NEURL1: variants seen among roughly 807,000 people sequenced by gnomAD.
NEURL1 encodes the protein neuralized E3 ubiquitin protein ligase 1, also known as E3 ubiquitin-protein ligase NEURL1.
NEURL1 carries 26 observed loss-of-function variants against 41.2 expected under a neutral mutation model. The ratio of observed to expected loss-of-function variants is 0.63; its 90% CI spans 0.46 to 0.87. The LOEUF (loss-of-function observed/expected upper bound fraction) is 0.87, where lower values mean the gene tolerates loss of function less well. NEURL1 is among the 40% of genes least tolerant of loss of function. The pLI is 0.00. For synonymous variants in NEURL1, 400 were observed against 402.3 expected, an observed-to-expected ratio of 0.99 and a Z score of 0.07; for missense variants, 761 against 871.1, an observed-to-expected ratio of 0.87 and a Z score of 1.59.
Position 103,571,829 on chromosome 10 carries a change from G to A in NEURL1, c.649+7G>A. On this transcript the variant is annotated splice_region_variant and intron_variant, in intron 3 of 5. Transcript: ENST00000369780. ...CGGGGCGTCCAGCTGCTTGGTGAGT[G>A]CCTGCCCCTCCGGCCCCTTGGTGCA... 1 of 1,591,120 alleles carries A rather than the reference G, an allele frequency of 6.3e-7. No homozygotes were observed. Among genetic ancestry groups the A allele is most frequent in the Non-Finnish European group, 8.5e-7 (1 of 1,169,842 alleles).
At chr10:103,496,202 A>G (rs566157777) in intron 1 of NEURL1, among the ~76,000 whole-genome samples, 3 of 152,260 alleles carry the variant, frequency 2.0e-5, no homozygotes, top group Middle Eastern at 3.4e-3. Context: ...ATATATACTT[A>G]TGGCACTAGG....
At chr10:103,569,670 G>A (rs2035496508) in intron 1 of NEURL1, among the ~76,000 whole-genome samples, 1 of 152,214 alleles carries the variant, frequency 6.6e-6, no homozygotes, top group Non-Finnish European at 1.5e-5. Context: ...GCTCTTCTGA[G>A]CATTTCCAGC....
intron 1 of NEURL1, among the ~76,000 whole-genome samples, chr10:103,525,062 A>G (rs1486251348): frequency 1.3e-5 from 2 of 152,202 alleles, no homozygotes; most frequent in Non-Finnish European, 2.9e-5. Context: ...CTTTTAATCC[A>G]TAAACATGGA....
rs2036054764 is a variant in NEURL1, at chr10:103,591,782, C to G, written c.*1410C>G. 1 of 152,212 alleles carries G rather than the reference C, an allele frequency of 6.6e-6. No homozygotes were observed. The highest frequency in any genetic ancestry group is 6.5e-5 in the Admixed American group (1 of 15,284). 9.4% of individuals were successfully genotyped at this position (152,212 alleles called of 1,614,324 possible). A position where few individuals can be genotyped will look rare whatever the true frequency, so the allele number is the denominator to read the frequency against. ...GGTACCTCAGGTGGCCCAGGAGGTCCCCCCTCCATAAGGACGTCAAACTTC... is the reference window on the plus strand; with the variant it reads ...GGTACCTCAGGTGGCCCAGGAGGTCGCCCCTCCATAAGGACGTCAAACTTC... On this transcript the variant is annotated 3_prime_UTR_variant, in exon 6 of 6. Transcript: ENST00000369780.
At chr10:103,574,244 C>T (rs954584790) in intron 3 of NEURL1, among the ~76,000 whole-genome samples, 2 of 152,192 alleles carry the variant, frequency 1.3e-5, no homozygotes, top group Non-Finnish European at 2.9e-5. Context: ...ACACTCCAGA[C>T]GATGCAAGCG....
chr10:103,543,028 C>T (rs1354207789), intron 1 of NEURL1, among the ~76,000 whole-genome samples: 1 of 152,130 alleles, frequency 6.6e-6, no homozygotes, highest in South Asian at 2.1e-4. Context: ...CTTTTTTCTT[C>T]TTGGAAGGCG....
In NEURL1 at chr10:103,590,522, T is replaced by G; in HGVS notation, c.*150T>G. 1.5e-6 allele frequency: 1 copy of G among 650,386 alleles called. No homozygotes were observed. Among genetic ancestry groups the G allele is most frequent in the Non-Finnish European group, 2.7e-6 (1 of 376,058 alleles). The allele number at this position is 650,386 out of a possible 1,614,324, so 40.3% of individuals were successfully genotyped here. A position where few individuals can be genotyped will look rare whatever the true frequency, so the allele number is the denominator to read the frequency against. On this transcript the variant is annotated 3_prime_UTR_variant, in exon 6 of 6. Transcript: ENST00000369780. ...TGGGAAACTGAAGCCCTTGAAGGTTTGGGGAGAGGGGGGTATCAGGCAGGG... is the reference window on the plus strand; with the variant it reads ...TGGGAAACTGAAGCCCTTGAAGGTTGGGGGAGAGGGGGGTATCAGGCAGGG...
chr10:103,549,731 C>T (rs1262766443), intron 1 of NEURL1, among the ~76,000 whole-genome samples: 2 of 152,220 alleles, frequency 1.3e-5, no homozygotes. Flanking sequence ...CCTGGCCTCC[C>T]CAGACCCTAG....
Position 103,584,484 on chromosome 10 carries a change from G to GT in NEURL1, c.650-52_650-51insT. ...TAGGGACCGGACAGCGGGGCGCGCC[G>GT]GGGCCGCCTCCCGAGAGCCCTGCGT... On this transcript the variant is annotated intron_variant, in intron 3 of 5. Transcript: ENST00000369780. 2.5e-6 allele frequency: 3 copies of GT among 1,216,452 alleles called. No homozygotes were observed. The South Asian group carries it at 7.9e-5, about 32-fold the overall frequency. The allele number at this position is 1,216,452 out of a possible 1,614,324, so 75.4% of individuals were successfully genotyped here.
intron 1 of NEURL1, among the ~76,000 whole-genome samples, chr10:103,516,432 G>T (rs902746542): frequency 5.3e-5 from 8 of 151,192 alleles, no homozygotes; most frequent in African/African-American, 1.7e-4. Context: ...TTGAGTTTTG[G>T]CCAGGGTGTG....
At chr10:103,519,437 A>G (rs2034295178) in intron 1 of NEURL1, among the ~76,000 whole-genome samples, 1 of 152,158 alleles carries the variant, frequency 6.6e-6, no homozygotes, top group Non-Finnish European at 1.5e-5. Context: ...AAAAGGTTAA[A>G]TTTTGTTTCC....
chr10:103,556,764 C>T lies in NEURL1; in HGVS notation c.86-14108C>T, dbSNP rs1167009580. On this transcript the variant is annotated intron_variant, in intron 1 of 5. Coordinates refer to ENST00000369780, the MANE Select transcript of NEURL1 (RefSeq NM_004210.5). The surrounding 1 kb of genome is among the most constrained non-coding windows in gnomAD (Gnocchi z 4.4). ...CCAGGGGCACTGCCAGTGGCCTGGG[C>T]CTTGGCCGGAGAGTTGGATTGGGCT... Among the ~76,000 whole-genome samples, 1 of 152,184 alleles carries T rather than the reference C, an allele frequency of 6.6e-6. No individual in the cohort carries two copies. Among genetic ancestry groups the T allele is most frequent in the African/African-American group, 2.4e-5 (1 of 41,442 alleles).
Position 103,558,371 on chromosome 10 carries a change from T to C in NEURL1, c.86-12501T>C, listed in dbSNP as rs1344530170. On this transcript the variant is annotated intron_variant, in intron 1 of 5. Transcript: ENST00000369780. This position sits in a 1 kb window ranked among gnomAD's most constrained non-coding sequence, Gnocchi z 4.2. ...TGAGCTTCTGATGTCAACAGATGTG[T>C]ATCTGTGTTTTAGATCTCTGTGTAC... is the stretch of plus-strand genomic sequence containing the variant. 2.6e-6 allele frequency: 1 copy of C among 389,022 alleles called. No homozygotes were observed. Among genetic ancestry groups the C allele is most frequent in the Non-Finnish European group, 3.5e-6 (1 of 284,772 alleles). 24.1% of individuals were successfully genotyped at this position (389,022 alleles called of 1,614,324 possible).
intron 1 of NEURL1, among the ~76,000 whole-genome samples, chr10:103,506,560 TCTG>T (rs917427329): frequency 6.6e-6 from 1 of 151,356 alleles, no homozygotes; most frequent in African/African-American, 2.4e-5. Context: ...ACGTCTGCTG[TCTG>T]CTTTTTTTTT....
At chr10:103,522,635 G>A (rs1225445927) in intron 1 of NEURL1, among the ~76,000 whole-genome samples, 1 of 148,138 alleles carries the variant, frequency 6.8e-6, no homozygotes, top group Admixed American at 6.8e-5. Flanking sequence ...AGTCGTCTTT[G>A]TCTCATGCAA....
intron 1 of NEURL1, among the ~76,000 whole-genome samples, chr10:103,543,709 T>C (rs896935985): frequency 6.6e-6 from 1 of 152,166 alleles, no homozygotes; most frequent in African/African-American, 2.4e-5. Context: ...AGAGGGATAG[T>C]CTGGTCTATT....
intron 1 of NEURL1, among the ~76,000 whole-genome samples, chr10:103,554,270 C>T (rs1260116254): frequency 2.6e-5 from 4 of 152,156 alleles, no homozygotes; most frequent in Non-Finnish European, 5.9e-5. Flanking sequence ...AGAAACTTTG[C>T]GAGTCTGTGG....
At chr10:103,533,917 C>T (rs552426198) in intron 1 of NEURL1, among the ~76,000 whole-genome samples, 9 of 152,146 alleles carry the variant, frequency 5.9e-5, no homozygotes, top group South Asian at 2.1e-4. Flanking sequence ...GTGATCCACC[C>T]GCCTTGGCCT....
At position 103,534,139 on chromosome 10, in the gene NEURL1, C is replaced by T. The variant is rs182240135; in HGVS notation, c.86-36733C>T. Among the ~76,000 whole-genome samples the T allele has an allele frequency of 5.5e-4, 81 of 148,042 alleles. 1 individual carries two copies. Among genetic ancestry groups the T allele is most frequent in the Admixed American group, 8.8e-4 (13 of 14,834 alleles). On this transcript the variant is annotated intron_variant, in intron 1 of 5. Transcript: ENST00000369780. Reference sequence around the variant, plus strand: ...TCTTTGTTGAATTTGTCTTTCACATCGTGAATTGTTTTCTTGATTTTTATC... The same window carrying T: ...TCTTTGTTGAATTTGTCTTTCACATTGTGAATTGTTTTCTTGATTTTTATC...
Sources: allele counts gnomAD v4.1 joint callset (sites outside exome capture counted in the v4.1 genomes callset), GRCh38; gene constraint gnomAD v4.1.1; non-coding constraint Gnocchi (gnomAD v3.1); transcripts MANE v1.5; gene names NCBI Gene and HGNC (gene_info 2026-07-23, HGNC 2026-07-21).